Variants in C2CD3 observed in about 807,000 individuals in gnomAD.
The protein encoded by C2CD3 is C2 domain containing 3 centriole elongation regulator, also known as C2 domain-containing protein 3.
In C2CD3, 148 loss-of-function variants were observed where a neutral mutation model predicts 234.0. The observed-to-expected ratio is 0.63, with a 90% CI of 0.55 to 0.72. The LOEUF (loss-of-function observed/expected upper bound fraction) is 0.72. Among genes scored for constraint, C2CD3 ranks in the 30% least tolerant of loss-of-function variants. C2CD3 has a pLI of 0.00. For synonymous variants in C2CD3, 1,000 were observed against 1,035.4 expected (o/e 0.97, Z 0.66); for missense variants, 2,577 against 2,811.5 (o/e 0.92, Z 1.89).
intron 28 of C2CD3, among the ~76,000 whole-genome samples, chr11:74,046,003 T>G (rs1268889613): frequency 6.6e-6 from 1 of 152,242 alleles, no homozygotes; most frequent in Non-Finnish European, 1.5e-5. Context: ...ATAAACCCGT[T>G]TGGGTCATCA....
chr11:74,029,832 T>C (rs1952453334), intron 31 of C2CD3, among the ~76,000 whole-genome samples: 1 of 152,272 alleles, frequency 6.6e-6, no homozygotes, highest in Non-Finnish European at 1.5e-5. Context: ...CATGGCACAC[T>C]GCAGCCTTGA....
At chr11:74,063,288 A>G (rs1430919041) in intron 24 of C2CD3, among the ~76,000 whole-genome samples, 2 of 152,226 alleles carry the variant, frequency 1.3e-5, no homozygotes, top group Non-Finnish European at 2.9e-5. Flanking sequence ...TGAGGCCAAC[A>G]TCATACTGAT....
rs1364341812 is a variant in C2CD3 at position 74,074,446 on chromosome 11, G to A, written c.4758C>T (p.Pro1586=). Residue 1586 remains proline, a synonymous_variant, in exon 24 of 33, where the codon CCC becomes CCT. Transcript: ENST00000334126. ...AGAGCTGGACCTCATCATTCCTTCT[G>A]GGGAGCTGCTCAGACTCACTGTGGC... ...CSSHSESEQL[P]RRNDEVQLSP... 6.2e-7 allele frequency: 1 copy of A among 1,614,062 alleles called. No individual in the cohort carries two copies. The highest frequency in any genetic ancestry group is 1.3e-5 in the African/African-American group (1 of 74,924).
At chr11:74,144,076 G>T (rs1854993159) in intron 3 of C2CD3, among the ~76,000 whole-genome samples, 1 of 151,992 alleles carries the variant, frequency 6.6e-6, no homozygotes, top group South Asian at 2.1e-4. Flanking sequence ...TCTTACAGTA[G>T]AATCAAAAGG....
At chr11:74,047,732 GA>G (rs1288159698) in intron 28 of C2CD3, among the ~76,000 whole-genome samples, 1 of 152,224 alleles carries the variant, frequency 6.6e-6, no homozygotes, top group African/African-American at 2.4e-5. Flanking sequence ...GGCCTGTAAA[GA>G]GGTAGAATGG....
At chr11:74,153,182 T>C (rs1288475640) in intron 3 of C2CD3, among the ~76,000 whole-genome samples, 2 of 151,996 alleles carry the variant, frequency 1.3e-5, no homozygotes, top group Non-Finnish European at 2.9e-5. Context: ...CATGCCAGCC[T>C]GGGTGACAGA....
At chr11:74,150,043 A>C (rs1855492658) in intron 3 of C2CD3, among the ~76,000 whole-genome samples, 1 of 152,090 alleles carries the variant, frequency 6.6e-6, no homozygotes, top group South Asian at 2.1e-4. Flanking sequence ...GTTCTCTGGA[A>C]GTTTATAGAA....
At chr11:74,024,244 A>G (rs1334614142) in intron 32 of C2CD3, among the ~76,000 whole-genome samples, 1 of 152,264 alleles carries the variant, frequency 6.6e-6, no homozygotes, top group Non-Finnish European at 1.5e-5. Context: ...GACAGTGGAA[A>G]GGTATCTCTA....
intron 2 of C2CD3, among the ~76,000 whole-genome samples, chr11:74,166,757 T>C (rs934609872): frequency 1.3e-5 from 2 of 152,218 alleles, no homozygotes; most frequent in African/African-American, 4.8e-5. Flanking sequence ...ATCTCAAATC[T>C]CTGTACACGC....
At chr11:74,048,729 T>C (rs1031358293) in intron 27 of C2CD3, among the ~76,000 whole-genome samples, 5 of 152,230 alleles carry the variant, frequency 3.3e-5, no homozygotes, top group African/African-American at 1.2e-4. Context: ...CCTTCCTATA[T>C]TGGGACCAAT....
intron 7 of C2CD3, among the ~76,000 whole-genome samples, chr11:74,132,182 C>T (rs553582721): frequency 9.2e-5 from 14 of 152,158 alleles, no homozygotes; most frequent in Non-Finnish European, 1.8e-4. Context: ...GAAACCCCGT[C>T]GCTACTAAAA....
At chr11:74,040,712 C>T (rs1414224313) in intron 29 of C2CD3, among the ~76,000 whole-genome samples, 4 of 151,970 alleles carry the variant, frequency 2.6e-5, no homozygotes, top group East Asian at 1.9e-4. Context: ...GCCGAGATTG[C>T]GCCACTGCAC....
chr11:74,164,050 C>T (rs1460151057), intron 2 of C2CD3: 1 of 379,510 alleles, frequency 2.6e-6, no homozygotes, highest in Non-Finnish European at 3.6e-6. Context: ...TGGGCTAAAA[C>T]TCAGTTCTAT....
At position 74,168,470 on chromosome 11, in the gene C2CD3, C is replaced by T; in HGVS notation, c.199G>A (p.Gly67Arg). 1 of 1,614,180 alleles carries T rather than the reference C, an allele frequency of 6.2e-7. No individual in the cohort carries two copies. The highest frequency in any genetic ancestry group is 8.5e-7 in the Non-Finnish European group (1 of 1,180,026). Residue 67 changes from glycine (G) to arginine (R), a missense_variant, in exon 2 of 33, where the codon GGA becomes AGA. Coordinates refer to ENST00000334126, the MANE Select transcript of C2CD3 (RefSeq NM_001286577.2). ...AAGAGGGTTCCATCTGATGTTTCTC[C>T]CCACCATCTCACTCGGACAAGTACA... ...TCVLVRVRWW[G>R]ETSDGTLFCP... is the part of the protein sequence containing the mutation.
At chr11:74,098,393 G>A in intron 15 of C2CD3, 138 bp from the exon 16 acceptor site, 2 of 869,776 alleles carry the variant, frequency 2.3e-6, no homozygotes, top group South Asian at 3.5e-5. Flanking sequence ...TAAAAAATGT[G>A]TGCATCTGTC....
chr11:74,057,603 T>C, intron 24 of C2CD3, 59 bp from the exon 25 acceptor site: 4 of 1,563,962 alleles, frequency 2.6e-6, no homozygotes, highest in Admixed American at 1.7e-5. Flanking sequence ...CCTCAGATTA[T>C]ACAGGCACAA....
chr11:74,152,145 T>A (rs1855708677), intron 3 of C2CD3, among the ~76,000 whole-genome samples: 2 of 152,146 alleles, frequency 1.3e-5, no homozygotes, highest in Non-Finnish European at 2.9e-5. Context: ...AATAAAATTG[T>A]TAAACTTCTA....
chr11:74,086,942 T>C lies in C2CD3; in HGVS notation c.3642-1056A>G, dbSNP rs558853109. 2.0e-5 allele frequency among the ~76,000 whole-genome samples: 3 copies of C among 152,324 alleles called. No homozygotes were observed. The East Asian group carries it at 5.8e-4, about 29-fold the overall frequency. ...GGAGTTATACAGATCTGGGTTTGAATGCTGGCTCCACCATTTACTTACCAT... is the reference window on the plus strand; with the variant it reads ...GGAGTTATACAGATCTGGGTTTGAACGCTGGCTCCACCATTTACTTACCAT... On this transcript the variant is annotated intron_variant, in intron 20 of 32. Coordinates refer to ENST00000334126, the MANE Select transcript of C2CD3 (RefSeq NM_001286577.2).
chr11:74,102,804 G>A (rs909106344), intron 14 of C2CD3, among the ~76,000 whole-genome samples: 3 of 152,176 alleles, frequency 2.0e-5, no homozygotes, highest in Admixed American at 1.3e-4. Flanking sequence ...AAGTAATAAA[G>A]AAGGAGAGAT....
Sources: gnomAD v4.1 joint callset for allele counts (sites outside exome capture counted in the v4.1 genomes callset) on GRCh38, gnomAD v4.1.1 for gene constraint, MANE v1.5 for transcripts, NCBI Gene and HGNC (gene_info 2026-07-23, HGNC 2026-07-21) for gene names.